Variants in ZNF211 observed in about 807,000 individuals in gnomAD.
ZNF211 encodes zinc finger protein 211, also known as zinc finger protein C2H2-25.
ZNF211 carries 18 observed loss-of-function variants against 12.1 expected under a neutral mutation model. The ratio of observed to expected loss-of-function variants is 1.48; its 90% confidence interval spans 1.03 to 2.20. The LOEUF (loss-of-function observed/expected upper bound fraction) is 2.20, where lower values mean the gene tolerates loss of function less well. Among genes scored for constraint, ZNF211 ranks in the 30% most tolerant of loss-of-function variants. The pLI is 0.00. For missense variants in ZNF211, 677 were observed against 703.1 expected, an observed-to-expected ratio of 0.96 and a Z score of 0.42; for synonymous variants, 249 against 246.0, an observed-to-expected ratio of 1.01 and a Z score of -0.11.
chr19:57,640,166 C>G (rs1982706774), intron 3 of ZNF211: 1 of 1,339,784 alleles, frequency 7.5e-7, no homozygotes, highest in Non-Finnish European at 9.9e-7. Flanking sequence ...TCACTCTTAA[C>G]AGTTTACAAA....
rs781751403 is a variant in ZNF211 at position 57,641,603 on chromosome 19, G to A, written c.1156G>A (p.Glu386Lys). 1.9e-5 allele frequency: 31 copies of A among 1,613,134 alleles called. No individual in the cohort carries two copies. The highest frequency in any genetic ancestry group is 1.2e-4 in the South Asian group (11 of 90,984). ...TGGAGAAAGGCCTTATGAATGCAGC[G>A]AATGTGGGAAATCTTTTAGCCAAAA... ...HTGERPYECSECGKSFSQNFS... is the reference protein window; with the variant it reads ...HTGERPYECSKCGKSFSQNFS... Residue 386 changes from glutamate (E) to lysine (K), a missense_variant, in exon 4 of 4, where the codon GAA becomes AAA. Physicochemically the swap from Glu to Lys is moderately conservative, Grantham distance 56 (BLOSUM62 1). Coordinates refer to ENST00000240731, the MANE Select transcript of ZNF211 (RefSeq NM_006385.5).
At chr19:57,633,862 C>T (rs73064514) in intron 1 of ZNF211, 161 bp from the exon 2 acceptor site, 67,679 of 1,602,986 alleles carry the variant, frequency 0.042, 1,775 homozygotes, top group South Asian at 0.085. Flanking sequence ...TTTTCCAAGG[C>T]CACACAACTG....
In ZNF211 at chr19:57,641,999, G is replaced by A; in HGVS notation, c.1552G>A (p.Gly518Arg). ...CATTAAACACCTGAGAGTTCACACT[G>A]GAGAAAGGCCTTATGAGTGCAGTGA... ...NLIKHLRVHT[G>R]ERPYECSECG... is the part of the protein sequence containing the mutation. Residue 518 changes from glycine (G) to arginine (R), a missense_variant, in exon 4 of 4, where the codon GGA becomes AGA. Transcript: ENST00000240731. 2.5e-6 allele frequency: 4 copies of A among 1,614,236 alleles called. No homozygotes were observed. The highest frequency in any genetic ancestry group is 3.4e-6 in the Non-Finnish European group (4 of 1,180,030).
In ZNF211 at chr19:57,642,162, A is replaced by T; in HGVS notation, c.1715A>T (p.His572Leu). 1 of 1,608,212 alleles carries T rather than the reference A, an allele frequency of 6.2e-7. No individual in the cohort carries two copies. The highest frequency in any genetic ancestry group is 8.5e-7 in the Non-Finnish European group (1 of 1,176,076). The change falls in exon 4 of 4, where the codon CAC (histidine) becomes CTC (leucine). Residue 572 changes from histidine (H) to leucine (L), a missense_variant. Physicochemically the swap from His to Leu is moderately conservative, Grantham distance 99. Coordinates refer to ENST00000240731, the MANE Select transcript of ZNF211 (RefSeq NM_006385.5). ...GTCCTCATTCAACACCAGAGAGTTC[A>T]CATTGGAGAAAAGCCTTAGCTGTAC... ...KSVLIQHQRV[H>L]IGEKP
chr19:57,641,454 G>T lies in ZNF211; in HGVS notation c.1007G>T (p.Ser336Ile), dbSNP rs1428281196. 3 of 1,610,956 alleles carry T rather than the reference G, an allele frequency of 1.9e-6. No individual in the cohort carries two copies. Among genetic ancestry groups the T allele is most frequent in the Non-Finnish European group, 2.5e-6 (3 of 1,177,886 alleles). ...TGCCCTGAATGTGGGAAATCGTTTAGTCAGATATACAGCCTCAATAGCCAT... is the reference window on the plus strand; with the variant it reads ...TGCCCTGAATGTGGGAAATCGTTTATTCAGATATACAGCCTCAATAGCCAT... ...YACPECGKSFSQIYSLNSHRK... is the reference protein window; with the variant it reads ...YACPECGKSFIQIYSLNSHRK... The change falls in exon 4 of 4, where the codon AGT becomes ATT. Residue 336 changes from serine to isoleucine, a missense_variant. Ser to Ile is a moderately radical substitution (Grantham distance 142, BLOSUM62 -2). Transcript: ENST00000240731.
chr19:57,641,139 G>A lies in ZNF211; in HGVS notation c.692G>A (p.Cys231Tyr), dbSNP rs769061458. ...TGEKPNNSNK[C>Y]AVAFYSGKSH... ...GAGAAGCCAAATAACAGTAACAAGTGTGCGGTGGCCTTTTACAGTGGAAAA... is the reference window on the plus strand; with the variant it reads ...GAGAAGCCAAATAACAGTAACAAGTATGCGGTGGCCTTTTACAGTGGAAAA... The change falls in exon 4 of 4, where the codon TGT (cysteine) becomes TAT (tyrosine). Residue 231 changes from cysteine (C) to tyrosine (Y), a missense_variant. Cys to Tyr is a radical substitution (Grantham distance 194). Transcript: ENST00000240731. 1 of 1,614,080 alleles carries A rather than the reference G, an allele frequency of 6.2e-7. No homozygotes were observed. The highest frequency in any genetic ancestry group is 1.3e-5 in the African/African-American group (1 of 74,934).
intron 1 of ZNF211, 159 bp from the exon 2 acceptor site, chr19:57,633,864 A>G: frequency 6.2e-7 from 1 of 1,604,550 alleles, no homozygotes; most frequent in Admixed American, 1.7e-5. Context: ...TTCCAAGGCC[A>G]CACAACTGGT....
chr19:57,633,278 G>A lies in ZNF211; in HGVS notation c.-69G>A, dbSNP rs1042896764. On this transcript the variant is annotated 5_prime_UTR_variant, in exon 1 of 4. The change creates a new upstream start codon in the 5' untranslated region. Transcript: ENST00000240731. ...TGCATCGGGATCGAAGTGACGGACC[G>A]TGAAGGCGCGAGAGTCAGGTCTGAG... is the stretch of plus-strand genomic sequence containing the variant. 5.0e-6 allele frequency: 7 copies of A among 1,394,560 alleles called. No homozygotes were observed. The highest frequency in any genetic ancestry group is 2.6e-5 in the East Asian group (1 of 38,302). The allele number at this position is 1,394,560 out of a possible 1,614,324, so 86.4% of individuals were successfully genotyped here.
At chr19:57,633,602 C>T (rs1981724996) in intron 1 of ZNF211, 166 bp downstream of exon 1, 3 of 1,527,822 alleles carry the variant, frequency 2.0e-6, no homozygotes, top group Non-Finnish European at 1.7e-6. Context: ...GGGACAGGAC[C>T]GGCGCGTGCA....
At chr19:57,636,009 A>G (rs1982085878) in intron 3 of ZNF211, among the ~76,000 whole-genome samples, 1 of 152,168 alleles carries the variant, frequency 6.6e-6, no homozygotes, top group Non-Finnish European at 1.5e-5. Context: ...CTGATTGGCT[A>G]TTTGTATATC....
chr19:57,633,599 G>A, intron 1 of ZNF211, 163 bp downstream of exon 1: 1 of 1,528,094 alleles, frequency 6.5e-7, no homozygotes, highest in Non-Finnish European at 8.7e-7. Flanking sequence ...CAAGGGACAG[G>A]ACCGGCGCGT....
chr19:57,633,437 G>C lies in ZNF211; in HGVS notation c.90+1G>C. On this transcript the variant is annotated splice_donor_variant, in intron 1 of 3. Coordinates refer to ENST00000240731, the MANE Select transcript of ZNF211 (RefSeq NM_006385.5). LOFTEE classifies it high-confidence loss of function. ...GACCGCACTGAGGGACCCGGCTTCG[G>C]TGAGCGCTGCGATCTCCGGGCCTCC... is the stretch of plus-strand genomic sequence containing the variant. 6.3e-7 allele frequency: 1 copy of C among 1,597,022 alleles called. No individual in the cohort carries two copies. The highest frequency in any genetic ancestry group is 8.5e-7 in the Non-Finnish European group (1 of 1,176,694).
intron 3 of ZNF211, among the ~76,000 whole-genome samples, chr19:57,635,166 C>CT (rs1981975340): frequency 6.6e-6 from 1 of 152,206 alleles, no homozygotes; most frequent in African/African-American, 2.4e-5. Flanking sequence ...GCAGAACACT[C>CT]TAACAAATTG....
chr19:57,641,229 A>G lies in ZNF211; in HGVS notation c.782A>G (p.Gln261Arg), dbSNP rs748940426. 4 of 1,614,148 alleles carry G rather than the reference A, an allele frequency of 2.5e-6. No individual in the cohort carries two copies. The highest frequency in any genetic ancestry group is 1.6e-4 in the Middle Eastern group (1 of 6,084). The change falls in exon 4 of 4, where the codon CAG becomes CGG. Residue 261 changes from glutamine to arginine, a missense_variant. Transcript: ENST00000240731. ...CACATAGACACACTTGTTCAGGACC[A>G]GAGAATCCTCACTAGAGAAGGACTT... ...FSHIDTLVQDQRILTREGLFE... is the reference protein window; with the variant it reads ...FSHIDTLVQDRRILTREGLFE...
In ZNF211 at chr19:57,643,692, A is replaced by G. The variant is rs10408931; in HGVS notation, c.*1511A>G. Among the ~76,000 whole-genome samples, 27,760 of 152,110 alleles carry G rather than the reference A, an allele frequency of 0.18. 2,697 individuals carry two copies. Among genetic ancestry groups the G allele is most frequent in the East Asian group, 0.32 (1,654 of 5,178 alleles). ...AAAAACACATTATACCATCATTATAATTATTACAATGAACATATCAGTCAC... is the reference window on the plus strand; with the variant it reads ...AAAAACACATTATACCATCATTATAGTTATTACAATGAACATATCAGTCAC... On this transcript the variant is annotated 3_prime_UTR_variant, in exon 4 of 4. Transcript: ENST00000240731.
intron 2 of ZNF211, 133 bp from the exon 3 acceptor site, chr19:57,634,496 G>T: frequency 9.3e-7 from 1 of 1,071,460 alleles, no homozygotes; most frequent in Non-Finnish European, 1.3e-6. Context: ...TGAAGAGACA[G>T]CAGGGATCAA....
intron 3 of ZNF211, among the ~76,000 whole-genome samples, chr19:57,637,519 A>T (rs1208109547): frequency 6.6e-6 from 1 of 152,100 alleles, no homozygotes; most frequent in Non-Finnish European, 1.5e-5. Flanking sequence ...CCTACCAAGT[A>T]GCTGGGATTA....
At chr19:57,633,468 C>G in intron 1 of ZNF211, 32 bp downstream of exon 1, 2 of 1,567,248 alleles carry the variant, frequency 1.3e-6, no homozygotes, top group Non-Finnish European at 1.7e-6. Context: ...CCTCCCCCGG[C>G]CGAGATTCTT....
intron 3 of ZNF211, among the ~76,000 whole-genome samples, chr19:57,638,562 C>T (rs904409260): frequency 1.2e-4 from 18 of 152,018 alleles, no homozygotes; most frequent in African/African-American, 3.9e-4. Context: ...ATTAAGAGTT[C>T]CCAACCTCAT....
Sources: gnomAD v4.1 joint callset for allele counts (sites outside exome capture counted in the v4.1 genomes callset) on GRCh38, gnomAD v4.1.1 for gene constraint, MANE v1.5 for transcripts, NCBI Gene and HGNC (gene_info 2026-07-23, HGNC 2026-07-21) for gene names.